CDH1: variants seen among roughly 807,000 people sequenced by gnomAD.
CDH1 encodes cadherin 1, also known as cadherin-1.
A neutral mutation model predicts 84.5 loss-of-function variants in CDH1; 35 were observed. The observed-to-expected ratio is 0.41, with a 90% CI of 0.32 to 0.55. CDH1 has a LOEUF of 0.55. CDH1 is among the 20% of genes least tolerant of loss of function. CDH1 has a pLI of 0.19. For synonymous variants in CDH1, 417 were observed against 439.0 expected (o/e 0.95, Z 0.63); for missense variants, 994 against 1,126.6 (o/e 0.88, Z 1.68).
At chr16:68,802,499 C>A (rs758306452) in intron 3 of CDH1, among the ~76,000 whole-genome samples, 1 of 151,192 alleles carries the variant, frequency 6.6e-6, no homozygotes, top group Non-Finnish European at 1.5e-5. Context: ...TTTTTTAAGA[C>A]GTAGTCTCAC....
At chr16:68,776,685 T>C (rs771794710) in intron 2 of CDH1, among the ~76,000 whole-genome samples, 1 of 152,218 alleles carries the variant, frequency 6.6e-6, no homozygotes, top group Non-Finnish European at 1.5e-5. Context: ...TTTCATTTTA[T>C]ATTGCAGCTT....
intron 2 of CDH1, among the ~76,000 whole-genome samples, chr16:68,745,576 G>A (rs8046410): frequency 3.7e-3 from 109 of 29,614 alleles, no homozygotes; most frequent in African/African-American, 0.012. Context: ...ATATATATAT[G>A]TATGTGTAAT....
chr16:68,795,987 C>G (rs1960347597), intron 2 of CDH1, among the ~76,000 whole-genome samples: 1 of 151,678 alleles, frequency 6.6e-6, no homozygotes, highest in Non-Finnish European at 1.5e-5. Context: ...CATAGTGAAA[C>G]CCCGTCTCTA....
At chr16:68,749,391 G>A (rs950418427) in intron 2 of CDH1, among the ~76,000 whole-genome samples, 1 of 152,190 alleles carries the variant, frequency 6.6e-6, no homozygotes, top group Non-Finnish European at 1.5e-5. Flanking sequence ...TGAAGTACCA[G>A]TTTAAAGAAG....
intron 2 of CDH1, among the ~76,000 whole-genome samples, chr16:68,762,359 G>C (rs1959241274): frequency 6.6e-6 from 1 of 152,198 alleles, no homozygotes; most frequent in African/African-American, 2.4e-5. Flanking sequence ...CACCAGGCTG[G>C]GTACTTGGGA....
At position 68,808,407 on chromosome 16, in the gene CDH1, A is replaced by G. The variant is rs571617503; in HGVS notation, c.388-17A>G. Reference sequence around the variant, plus strand: ...CTTGAATTGTCTTATCTTGTTCCTCATCTTCTTTCCTTTTAGGCCTCCGTT... The same window carrying G: ...CTTGAATTGTCTTATCTTGTTCCTCGTCTTCTTTCCTTTTAGGCCTCCGTT... On this transcript the variant is annotated splice_polypyrimidine_tract_variant and intron_variant, in intron 3 of 15. Coordinates refer to ENST00000261769, the MANE Select transcript of CDH1 (RefSeq NM_004360.5). The G allele has an allele frequency of 9.9e-6, 16 of 1,613,948 alleles. No individual in the cohort carries two copies. The highest frequency in any genetic ancestry group is 9.3e-5 in the African/African-American group (7 of 74,904).
At chr16:68,822,579 C>A in intron 12 of CDH1, 1 of 492,502 alleles carries the variant, frequency 2.0e-6, no homozygotes, top group Admixed American at 2.4e-5. Flanking sequence ...TCTTGCCAAC[C>A]AATCGTGAGC....
At chr16:68,818,533 C>CT (rs869272949) in intron 10 of CDH1, among the ~76,000 whole-genome samples, 4,547 of 123,316 alleles carry the variant, frequency 0.037, 84 homozygotes, top group South Asian at 0.051. Flanking sequence ...TCTTGGTTTT[C>CT]TTTTTTTTTT....
intron 2 of CDH1, among the ~76,000 whole-genome samples, chr16:68,759,275 A>G (rs1201386995): frequency 6.6e-6 from 1 of 152,028 alleles, no homozygotes; most frequent in Non-Finnish European, 1.5e-5. Context: ...AGGCAGGAGA[A>G]TCGCTTGAGC....
At chr16:68,805,087 G>A (rs71395883) in intron 3 of CDH1, among the ~76,000 whole-genome samples, 1 of 146,428 alleles carries the variant, frequency 6.8e-6, no homozygotes, top group East Asian at 2.0e-4. Flanking sequence ...ATAGATCTTA[G>A]TCTCTAGTCC....
rs374298434 is a variant in CDH1, at chr16:68,760,691, C to G, written c.163+22280C>G. On this transcript the variant is annotated intron_variant, in intron 2 of 15. Transcript: ENST00000261769. ...CTGTGTGCTCTGTGTCAGTTACCAGCCTTGTTTCCAGGAGTTTGGAGCTGA... is the reference window on the plus strand; with the variant it reads ...CTGTGTGCTCTGTGTCAGTTACCAGGCTTGTTTCCAGGAGTTTGGAGCTGA... Among the ~76,000 whole-genome samples the G allele has an allele frequency of 2.0e-5, 3 of 152,242 alleles. No homozygotes were observed. In the East Asian group the frequency reaches 5.8e-4, roughly 29 times the overall value.
Position 68,834,339 on chromosome 16 carries a change from T to C in CDH1, c.*840T>C. ...ATGCAGTGATGTGATCATAGCTCAC[T>C]GTAACCTCAAACTCTGGGGCTCAAG... On this transcript the variant is annotated 3_prime_UTR_variant, in exon 16 of 16. Transcript: ENST00000261769. 1 of 493,124 alleles carries C rather than the reference T, an allele frequency of 2.0e-6. No individual in the cohort carries two copies. The highest frequency in any genetic ancestry group is 4.0e-6 in the Non-Finnish European group (1 of 251,104). The allele number at this position is 493,124 out of a possible 1,614,324, so 30.5% of individuals were successfully genotyped here.
At chr16:68,745,549 A>AAATATATATATATATATAT (rs1555510453) in intron 2 of CDH1, among the ~76,000 whole-genome samples, 1 of 75,182 alleles carries the variant, frequency 1.3e-5, no homozygotes, top group Non-Finnish European at 2.4e-5. Context: ...AAAAAAAAAA[A>AAATATATATATATATATAT]ATATATATAT....
At chr16:68,783,954 G>A (rs976260918) in intron 2 of CDH1, among the ~76,000 whole-genome samples, 4 of 152,122 alleles carry the variant, frequency 2.6e-5, no homozygotes, top group African/African-American at 4.8e-5. Flanking sequence ...TGGGATTTAG[G>A]CATGAGCCAC....
intron 3 of CDH1, 104 bp downstream of exon 3, chr16:68,801,997 T>G: frequency 1.0e-6 from 1 of 967,270 alleles, no homozygotes; most frequent in Admixed American, 1.9e-5. Context: ...GATGATTTTG[T>G]GTTGTAGGGG....
intron 2 of CDH1, among the ~76,000 whole-genome samples, chr16:68,781,080 C>T (rs938436793): frequency 2.0e-5 from 3 of 152,184 alleles, no homozygotes; most frequent in Non-Finnish European, 4.4e-5. Flanking sequence ...GCTGACAAGC[C>T]GTTCTGTCTC....
At chr16:68,759,984 C>T (rs1597855941) in intron 2 of CDH1, among the ~76,000 whole-genome samples, 1 of 151,952 alleles carries the variant, frequency 6.6e-6, no homozygotes, top group African/African-American at 2.4e-5. Context: ...CCCATGCAGC[C>T]CCTAAAATCC....
chr16:68,821,724 T>C (rs574016616), intron 11 of CDH1, among the ~76,000 whole-genome samples: 16 of 152,246 alleles, frequency 1.1e-4, no homozygotes, highest in African/African-American at 3.6e-4. Context: ...TGAATAACGA[T>C]ATGTGAAGAA....
chr16:68,757,744 T>C (rs942602038), intron 2 of CDH1, among the ~76,000 whole-genome samples: 5 of 150,392 alleles, frequency 3.3e-5, no homozygotes, highest in African/African-American at 4.9e-5. Flanking sequence ...TTTCTTTCTC[T>C]CTCTCTTTTT....
Sources: gnomAD v4.1 joint callset for allele counts (sites outside exome capture counted in the v4.1 genomes callset) on GRCh38, gnomAD v4.1.1 for gene constraint, MANE v1.5 for transcripts, NCBI Gene and HGNC (gene_info 2026-07-23, HGNC 2026-07-21) for gene names.